Variants in ANO2 observed in about 807,000 individuals in gnomAD.
The protein encoded by ANO2 is anoctamin-2.
ANO2 carries 101 observed loss-of-function variants against 124.2 expected under a neutral mutation model. The ratio of observed to expected loss-of-function variants is 0.81; its 90% CI spans 0.69 to 0.96. ANO2 has a LOEUF of 0.96. ANO2 is among the 40% of genes least tolerant of loss of function. The pLI, the probability that ANO2 is intolerant of heterozygous loss-of-function variation, is 0.00. For synonymous variants in ANO2, 486 were observed against 482.5 expected, an observed-to-expected ratio of 1.01 and a Z score of -0.09; for missense variants, 1,293 against 1,274.5, an observed-to-expected ratio of 1.01 and a Z score of -0.22.
chr12:5,584,137 C>CCCCT (rs1555088575), intron 20 of ANO2: 1 of 165,156 alleles, frequency 6.1e-6, no homozygotes, highest in African/African-American at 2.7e-5. Context: ...GAACACCCCC[C>CCCCT]CCCCGCCGCA....
At chr12:5,624,825 G>A (rs772361538) in intron 16 of ANO2, among the ~76,000 whole-genome samples, 2 of 152,182 alleles carry the variant, frequency 1.3e-5, no homozygotes, top group East Asian at 1.9e-4. Context: ...AGGAAAGGGC[G>A]ATGGGAAGGC....
chr12:5,705,089 T>C (rs1410898727), intron 14 of ANO2, among the ~76,000 whole-genome samples: 1 of 152,188 alleles, frequency 6.6e-6, no homozygotes, highest in Non-Finnish European at 1.5e-5. Flanking sequence ...TTTATTTTCT[T>C]AAGAGCTGAT....
At chr12:5,873,909 G>C (rs1383356261) in intron 3 of ANO2, among the ~76,000 whole-genome samples, 1 of 152,202 alleles carries the variant, frequency 6.6e-6, no homozygotes, top group Non-Finnish European at 1.5e-5. Flanking sequence ...CTCAGCTCTA[G>C]GGACACCAGC....
intron 14 of ANO2, among the ~76,000 whole-genome samples, chr12:5,650,826 G>T (rs1277758020): frequency 6.6e-6 from 1 of 152,148 alleles, no homozygotes; most frequent in Non-Finnish European, 1.5e-5. Context: ...TTCCTTATCT[G>T]TAAAATAATT....
intron 14 of ANO2, among the ~76,000 whole-genome samples, chr12:5,683,733 A>G (rs1224365555): frequency 6.6e-6 from 1 of 152,100 alleles, no homozygotes; most frequent in Non-Finnish European, 1.5e-5. Flanking sequence ...CAAAAAGTCA[A>G]ACAGATGATC....
chr12:5,847,411 C>T (rs114221580), intron 4 of ANO2, among the ~76,000 whole-genome samples: 280 of 151,706 alleles, frequency 1.8e-3, no homozygotes, highest in African/African-American at 6.6e-3. Flanking sequence ...TTCCCAGCCA[C>T]CATAATTGTA....
At chr12:5,687,719 T>C (rs1948764004) in intron 14 of ANO2, among the ~76,000 whole-genome samples, 1 of 152,228 alleles carries the variant, frequency 6.6e-6, no homozygotes, top group Admixed American at 6.5e-5. Context: ...TTCAACATGC[T>C]TACAGACATG....
chr12:5,576,682 CAAAT>C (rs1476849887), intron 22 of ANO2, among the ~76,000 whole-genome samples: 2 of 152,176 alleles, frequency 1.3e-5, no homozygotes, highest in Non-Finnish European at 1.5e-5. Flanking sequence ...AACCAAATGA[CAAAT>C]GAATGATTGC....
chr12:5,755,312 G>A (rs2137098521), intron 10 of ANO2, among the ~76,000 whole-genome samples: 2 of 150,622 alleles, frequency 1.3e-5, no homozygotes, highest in African/African-American at 4.8e-5. Context: ...CTTTTTTCTT[G>A]TTGCTTTCAA....
At chr12:5,596,448 G>A (rs1442536130) in intron 20 of ANO2, among the ~76,000 whole-genome samples, 2 of 152,126 alleles carry the variant, frequency 1.3e-5, no homozygotes, top group Non-Finnish European at 2.9e-5. Context: ...AAAATTAAAA[G>A]GTTGGATTTG....
intron 7 of ANO2, among the ~76,000 whole-genome samples, chr12:5,819,404 G>A (rs1428845908): frequency 6.6e-6 from 1 of 152,230 alleles, no homozygotes; most frequent in Non-Finnish European, 1.5e-5. Context: ...GGAACATAGA[G>A]TTGGATCAGG....
intron 20 of ANO2, among the ~76,000 whole-genome samples, chr12:5,587,170 C>T (rs1433174608): frequency 1.3e-5 from 2 of 152,202 alleles, no homozygotes; most frequent in Non-Finnish European, 2.9e-5. Flanking sequence ...TACTGTACGC[C>T]AGGCCTTGTG....
At chr12:5,674,921 C>T (rs1948167773) in intron 14 of ANO2, among the ~76,000 whole-genome samples, 1 of 151,658 alleles carries the variant, frequency 6.6e-6, no homozygotes, top group African/African-American at 2.4e-5. Flanking sequence ...TCTTAGGAAC[C>T]CACAGCCTGT....
chr12:5,888,290 G>A (rs975190966), intron 3 of ANO2, among the ~76,000 whole-genome samples: 1 of 152,146 alleles, frequency 6.6e-6, no homozygotes, highest in Non-Finnish European at 1.5e-5. Context: ...GCAGACCTTC[G>A]CGGTGAGCGT....
chr12:5,590,138 T>C (rs951655881), intron 20 of ANO2, among the ~76,000 whole-genome samples: 2 of 152,174 alleles, frequency 1.3e-5, no homozygotes, highest in African/African-American at 2.4e-5. Flanking sequence ...CCCTGGCCCA[T>C]GGGCCACATA....
At chr12:5,795,031 A>C (rs1191674498) in intron 10 of ANO2, among the ~76,000 whole-genome samples, 1 of 152,096 alleles carries the variant, frequency 6.6e-6, no homozygotes, top group African/African-American at 2.4e-5. Context: ...CAGATGGCTC[A>C]CAGTTCAGGA....
At chr12:5,616,606 C>T (rs1340627481) in intron 16 of ANO2, among the ~76,000 whole-genome samples, 3 of 152,284 alleles carry the variant, frequency 2.0e-5, no homozygotes, top group South Asian at 2.1e-4. Context: ...TACATGACAA[C>T]AGGGCCATGC....
intron 3 of ANO2, among the ~76,000 whole-genome samples, chr12:5,895,259 A>G (rs56268391): frequency 0.078 from 11,828 of 152,192 alleles, 918 homozygotes; most frequent in African/African-American, 0.2. Context: ...GCAATTGTGA[A>G]TGGGAGTTCA....
chr12:5,666,991 CA>C (rs1278255349), intron 14 of ANO2, among the ~76,000 whole-genome samples: 6 of 152,204 alleles, frequency 3.9e-5, no homozygotes, highest in Non-Finnish European at 5.9e-5. Flanking sequence ...ACTCTGGACA[CA>C]AGGCTTGCAT....
Sources: gnomAD v4.1 joint callset for allele counts (sites outside exome capture counted in the v4.1 genomes callset) on GRCh38, gnomAD v4.1.1 for gene constraint, MANE v1.5 for transcripts, NCBI Gene and HGNC (gene_info 2026-07-23, HGNC 2026-07-21) for gene names.